The following CAMTA1 variants were observed in gnomAD, a reference collection of about 807,000 sequenced individuals.
The protein encoded by CAMTA1 is calmodulin binding transcription activator 1.
CAMTA1 carries 27 observed loss-of-function variants against 170.9 expected under a neutral mutation model. That is an observed-to-expected ratio of 0.16 (90% CI 0.12 to 0.22). The LOEUF is 0.22. Ranked by LOEUF, CAMTA1 falls within the 10% of genes least tolerant of loss-of-function variation. The pLI is 1.00. For missense variants in CAMTA1, 1,619 were observed against 2,217.2 expected (o/e 0.73, Z 5.42); for synonymous variants, 833 against 891.5 (o/e 0.93, Z 1.17).
intron 4 of CAMTA1, among the ~76,000 whole-genome samples, chr1:7,219,774 A>C (rs1457818194): frequency 6.6e-6 from 1 of 152,030 alleles, no homozygotes; most frequent in Non-Finnish European, 1.5e-5. Flanking sequence ...GGTGGCTCAC[A>C]CTTGTAATCC....
At chr1:7,229,870 G>A (rs181923541) in intron 4 of CAMTA1, among the ~76,000 whole-genome samples, 3 of 152,238 alleles carry the variant, frequency 2.0e-5, no homozygotes, top group Admixed American at 6.5e-5. Context: ...ATAGTCCCCC[G>A]GCTCCCCGAT....
intron 21 of CAMTA1, among the ~76,000 whole-genome samples, chr1:7,752,765 G>A (rs572382719): frequency 3.9e-5 from 6 of 152,294 alleles, no homozygotes; most frequent in East Asian, 1.9e-4. Context: ...ATTCATGCCC[G>A]TGTTTTTCTG....
chr1:7,600,510 A>G (rs1457913912), intron 6 of CAMTA1, among the ~76,000 whole-genome samples: 1 of 137,266 alleles, frequency 7.3e-6, no homozygotes, highest in Non-Finnish European at 1.6e-5. Context: ...TTTTTAATTG[A>G]TCATTCTTGG....
chr1:7,731,100 C>T (rs1200848706), intron 11 of CAMTA1, among the ~76,000 whole-genome samples: 1 of 152,072 alleles, frequency 6.6e-6, no homozygotes, highest in Non-Finnish European at 1.5e-5. Flanking sequence ...TGTGTGCATG[C>T]ACATGTGTGT....
At chr1:7,181,626 A>G (rs550811918) in intron 4 of CAMTA1, among the ~76,000 whole-genome samples, 1 of 152,218 alleles carries the variant, frequency 6.6e-6, no homozygotes, top group African/African-American at 2.4e-5. Flanking sequence ...CAATAGCAAC[A>G]AAGAAGATAC....
chr1:6,862,826 C>T (rs1298178138), intron 3 of CAMTA1, among the ~76,000 whole-genome samples: 1 of 152,156 alleles, frequency 6.6e-6, no homozygotes, highest in Non-Finnish European at 1.5e-5. Flanking sequence ...TATTTCTCAG[C>T]AATTAGAGCG....
chr1:6,811,532 T>C (rs1048775332), intron 1 of CAMTA1, among the ~76,000 whole-genome samples: 5 of 152,228 alleles, frequency 3.3e-5, no homozygotes, highest in Non-Finnish European at 7.3e-5. Flanking sequence ...GTCACTCTTT[T>C]GCTTCTGTGT....
chr1:7,225,649 G>C (rs1268649842), intron 4 of CAMTA1, among the ~76,000 whole-genome samples: 5 of 152,240 alleles, frequency 3.3e-5, no homozygotes, highest in Non-Finnish European at 7.3e-5. Flanking sequence ...CCAGAGGAAA[G>C]GGTGGAAGCT....
chr1:7,167,141 G>A (rs1054025043), intron 4 of CAMTA1, among the ~76,000 whole-genome samples: 12 of 152,088 alleles, frequency 7.9e-5, no homozygotes, highest in Non-Finnish European at 1.5e-4. Flanking sequence ...TATTTTTTAT[G>A]TTAGTGCTTC....
chr1:7,456,084 G>A lies in CAMTA1; in HGVS notation c.439-11746G>A, dbSNP rs1448015326. Among the ~76,000 whole-genome samples, 1 of 152,054 alleles carries A rather than the reference G, an allele frequency of 6.6e-6. No homozygotes were observed. The highest frequency in any genetic ancestry group is 2.4e-5 in the African/African-American group (1 of 41,388). On this transcript the variant is annotated intron_variant, in intron 5 of 22. Transcript: ENST00000303635. This position sits in a 1 kb window ranked among gnomAD's most constrained non-coding sequence, Gnocchi z 4.9. ...GACCCAGAGCTACTTGCAGGCATTC[G>A]TCAGAGATCCCTTGTGCTTAATGCA...
At chr1:7,329,027 T>G (rs1003118178) in intron 5 of CAMTA1, among the ~76,000 whole-genome samples, 18 of 152,198 alleles carry the variant, frequency 1.2e-4, no homozygotes, top group Non-Finnish European at 2.6e-4. Context: ...GACCTTGCAC[T>G]CCAAAAGCTG....
chr1:7,601,980 G>A (rs1441693226), intron 6 of CAMTA1, among the ~76,000 whole-genome samples: 2 of 143,898 alleles, frequency 1.4e-5, no homozygotes. Context: ...GTGGGGAGAG[G>A]GAGACCGTGG....
chr1:7,155,399 T>G (rs1646815655), intron 4 of CAMTA1, among the ~76,000 whole-genome samples: 1 of 148,230 alleles, frequency 6.7e-6, no homozygotes, highest in Non-Finnish European at 1.5e-5. Flanking sequence ...GGGGGGGGAT[T>G]GGGCAGGGAA....
Position 6,887,966 on chromosome 1 carries a change from G to A in CAMTA1, c.234+62756G>A, listed in dbSNP as rs190995439. ...CTGGAGAGCAGGGCTCTGTGCACAC[G>A]CCTCCTGGTCCAGAGGCCTCCGTGA... On this transcript the variant is annotated intron_variant, in intron 3 of 22. Transcript: ENST00000303635. The surrounding 1 kb of genome is among the most constrained non-coding windows in gnomAD (Gnocchi z 4.1). 3.7e-5 allele frequency: 46 copies of A among 1,246,124 alleles called. No homozygotes were observed. Among genetic ancestry groups the A allele is most frequent in the Admixed American group, 1.9e-4 (5 of 26,644 alleles). The allele number at this position is 1,246,124 out of a possible 1,614,324, so 77.2% of individuals were successfully genotyped here.
intron 3 of CAMTA1, among the ~76,000 whole-genome samples, chr1:6,959,605 A>G (rs1044792924): frequency 6.6e-6 from 1 of 152,196 alleles, no homozygotes; most frequent in African/African-American, 2.4e-5. Flanking sequence ...AGGTGCCAGG[A>G]AAGTATTTAT....
chr1:7,533,628 G>A (rs1009375579), intron 6 of CAMTA1, among the ~76,000 whole-genome samples: 6 of 152,132 alleles, frequency 3.9e-5, no homozygotes, highest in Non-Finnish European at 7.4e-5. Flanking sequence ...ATTAGAAAAC[G>A]TCGGCCGGGC....
chr1:6,985,561 C>G (rs897494250), intron 3 of CAMTA1, among the ~76,000 whole-genome samples: 2 of 152,248 alleles, frequency 1.3e-5, no homozygotes, highest in Non-Finnish European at 2.9e-5. Context: ...CCGATATACA[C>G]TTACAATCTC....
intron 4 of CAMTA1, among the ~76,000 whole-genome samples, chr1:7,181,456 G>T (rs1055708067): frequency 1.2e-4 from 19 of 152,122 alleles, no homozygotes; most frequent in Admixed American, 7.2e-4. Flanking sequence ...ATCTCAGTTT[G>T]CACATGATAT....
chr1:7,336,499 A>G (rs1360302975), intron 5 of CAMTA1, among the ~76,000 whole-genome samples: 4 of 152,210 alleles, frequency 2.6e-5, no homozygotes, highest in African/African-American at 9.7e-5. Context: ...TTCCTGGCCC[A>G]TAGTCCCTGC....
Sources: allele counts gnomAD v4.1 joint callset (sites outside exome capture counted in the v4.1 genomes callset), GRCh38; gene constraint gnomAD v4.1.1; non-coding constraint Gnocchi (gnomAD v3.1); transcripts MANE v1.5; gene names NCBI Gene and HGNC (gene_info 2026-07-23, HGNC 2026-07-21).